Variants in XIST observed in about 807,000 individuals in gnomAD.
XIST encodes the protein X inactive specific transcript (non-protein coding).
At chrX:73,847,966 G>A (rs1317225164) in exon 1 of XIST, 1 of 557,542 alleles carries the variant, frequency 1.8e-6, no homozygotes, top group Non-Finnish European at 3.2e-6. Context: ...CAGTTGCCAT[G>A]GTTCACATTA....
exon 1 of XIST, chrX:73,847,061 G>A: frequency 1.8e-6 from 1 of 559,281 alleles, no homozygotes; most frequent in South Asian, 2.2e-5. Context: ...TAACACCTAA[G>A]ATTATGCACG....
Position 73,848,687 on chromosome X carries a change from G to A in XIST, n.4037C>T, listed in dbSNP as rs201983225. The A allele has an allele frequency of 7.8e-4, 435 of 556,735 alleles. 3 individuals are homozygous for A. The South Asian group carries it at 9.4e-3, about 12-fold the overall frequency. The allele number at this position is 556,735 out of a possible 1,213,427, so 45.9% of individuals were successfully genotyped here. ...CGTTAGCAACATCCCACAGAAGGTG[G>A]GATGGGGTGAGAATCCATTTTTATT... On this transcript the variant is annotated non_coding_transcript_exon_variant, in exon 1 of 6. Transcript: ENST00000429829.
chrX:73,842,487 T>C (rs1922618637), exon 1 of XIST: 1 of 554,295 alleles, frequency 1.8e-6, no homozygotes. Context: ...GAAACTAGGA[T>C]CATTAATAAA....
intron 3 of XIST, among the ~76,000 whole-genome samples, chrX:73,832,551 C>T (rs755399176): frequency 1.1e-4 from 12 of 111,436 alleles, no homozygotes; most frequent in Non-Finnish European, 2.3e-4. Context: ...CAAAACTGAG[C>T]TAATACAGAT....
chrX:73,851,332 CAA>C (rs1569512913), exon 1 of XIST: 1 of 559,189 alleles, frequency 1.8e-6, no homozygotes, highest in East Asian at 3.2e-5. Flanking sequence ...ACAGCAAAGA[CAA>C]AGAGGCCCGC....
At chrX:73,850,511 A>T (rs185220912) in exon 1 of XIST, 80 of 544,777 alleles carry the variant, frequency 1.5e-4, no homozygotes, top group Admixed American at 1.4e-3. Flanking sequence ...CCCCAGCATT[A>T]GCCAAGGGGT....
chrX:73,827,805 A>T, exon 6 of XIST: 1 of 533,873 alleles, frequency 1.9e-6, no homozygotes. Context: ...ATAGCAACAA[A>T]ATGAAAAATG....
exon 1 of XIST, chrX:73,842,546 C>T (rs1415547498): frequency 3.6e-6 from 2 of 558,755 alleles, no homozygotes; most frequent in South Asian, 4.4e-5. Flanking sequence ...GCCTGCTTTT[C>T]ATAGTCAACA....
chrX:73,826,481 A>G, exon 6 of XIST: 1 of 559,202 alleles, frequency 1.8e-6, no homozygotes, highest in Non-Finnish European at 3.2e-6. Flanking sequence ...CTGTGATTTA[A>G]AGCTGGCTCA....
At chrX:73,824,039 C>A (rs904673996) in exon 6 of XIST, 1 of 552,516 alleles carries the variant, frequency 1.8e-6, no homozygotes, top group Non-Finnish European at 3.3e-6. Flanking sequence ...AATGTTTGTG[C>A]CCCCAGTTGT....
chrX:73,841,447 CCT>C (rs765438352), exon 1 of XIST: 2 of 554,571 alleles, frequency 3.6e-6, no homozygotes, highest in African/African-American at 4.5e-5. Context: ...CAAACTGCTC[CCT>C]GAGCTGGGCC....
At chrX:73,838,076 G>T (rs1266679865) in intron 1 of XIST, among the ~76,000 whole-genome samples, 1 of 111,580 alleles carries the variant, frequency 9.0e-6, no homozygotes, top group Non-Finnish European at 1.9e-5. Flanking sequence ...TAAGTTAGTA[G>T]CTAATTTTCA....
chrX:73,850,045 G>A, exon 1 of XIST: 1 of 558,902 alleles, frequency 1.8e-6, no homozygotes, highest in South Asian at 2.2e-5. Context: ...CAAGTTTCCT[G>A]TCTGATAAGT....
At chrX:73,826,930 T>A in exon 6 of XIST, 1 of 558,886 alleles carries the variant, frequency 1.8e-6, no homozygotes, top group East Asian at 3.2e-5. Context: ...CCTTGAGACT[T>A]CCATCCAACT....
chrX:73,834,672 T>C (rs941208253), intron 2 of XIST, among the ~76,000 whole-genome samples: 1 of 111,685 alleles, frequency 9.0e-6, no homozygotes. Flanking sequence ...GACAGAATTG[T>C]CACAGCTAGA....
exon 6 of XIST, chrX:73,826,345 C>T (rs1280280288): frequency 3.6e-6 from 2 of 559,083 alleles, no homozygotes; most frequent in South Asian, 4.4e-5. Context: ...TGAATGTCTG[C>T]TCCTGAGGGA....
exon 6 of XIST, chrX:73,822,858 A>G: frequency 1.8e-6 from 1 of 558,726 alleles, no homozygotes; most frequent in Non-Finnish European, 3.2e-6. Flanking sequence ...TTTCCTTAGT[A>G]TCGAACATAT....
rs759139076 is a variant in XIST, at chrX:73,840,704, G to A, written n.11342+678C>T. ...ATGTAGTAAAATTGTGGAAGGAGCC[G>A]AAGTATTAGATTTATGCCCTCAATC... On this transcript the variant is annotated intron_variant and non_coding_transcript_variant, in intron 1 of 5. Transcript: ENST00000429829. 5.4e-5 allele frequency among the ~76,000 whole-genome samples: 6 copies of A among 111,354 alleles called. No homozygotes were observed. The South Asian group carries it at 1.5e-3, about 28-fold the overall frequency.
chrX:73,840,312 G>A (rs1288338449), intron 1 of XIST, among the ~76,000 whole-genome samples: 1 of 110,843 alleles, frequency 9.0e-6, no homozygotes, highest in African/African-American at 3.3e-5. Flanking sequence ...CATATGGAGT[G>A]GGGCTGGGAG....
Sources: allele counts gnomAD v4.1 joint callset (sites outside exome capture counted in the v4.1 genomes callset), GRCh38; gene constraint gnomAD v4.1.1; transcripts MANE v1.5; gene names NCBI Gene and HGNC (gene_info 2026-07-23, HGNC 2026-07-21).